The following SNTB1 variants were observed in gnomAD, a reference collection of about 807,000 sequenced individuals.
SNTB1 encodes syntrophin beta 1, also known as beta-1-syntrophin.
A neutral mutation model predicts 48.9 loss-of-function variants in SNTB1; 36 were observed. The ratio of observed to expected loss-of-function variants is 0.74; its 90% CI spans 0.56 to 0.97. The LOEUF is 0.97. SNTB1 is among the 50% of genes least tolerant of loss of function. SNTB1 has a pLI of 0.00. For synonymous variants in SNTB1, 299 were observed against 294.6 expected (o/e 1.01, Z -0.15); for missense variants, 786 against 703.4 (o/e 1.12, Z -1.33).
At chr8:120,544,332 T>A (rs1397338458) in intron 5 of SNTB1, among the ~76,000 whole-genome samples, 1 of 152,204 alleles carries the variant, frequency 6.6e-6, no homozygotes, top group Non-Finnish European at 1.5e-5. Flanking sequence ...CCATTCTACA[T>A]AGGATGGAAT....
chr8:120,561,097 A>T (rs1663871769), intron 4 of SNTB1, among the ~76,000 whole-genome samples: 1 of 151,948 alleles, frequency 6.6e-6, no homozygotes, highest in South Asian at 2.1e-4. Flanking sequence ...GGAGGCTGAG[A>T]TGAATGGATC....
chr8:120,600,120 A>G (rs1215617568), intron 3 of SNTB1, among the ~76,000 whole-genome samples: 2 of 152,226 alleles, frequency 1.3e-5, no homozygotes, highest in African/African-American at 4.8e-5. Context: ...CAAATCCATC[A>G]AGAAGTAGAG....
chr8:120,720,183 G>A (rs1490017980), intron 1 of SNTB1, among the ~76,000 whole-genome samples: 1 of 152,154 alleles, frequency 6.6e-6, no homozygotes. Context: ...TATGCACTTT[G>A]GGGCAGCCCA....
At chr8:120,782,198 A>T (rs1378425121) in intron 1 of SNTB1, among the ~76,000 whole-genome samples, 1 of 152,140 alleles carries the variant, frequency 6.6e-6, no homozygotes, top group Non-Finnish European at 1.5e-5. Context: ...AATACCAGTG[A>T]TACTGGACTA....
chr8:120,806,788 G>T (rs1191667909), intron 1 of SNTB1, among the ~76,000 whole-genome samples: 1 of 152,122 alleles, frequency 6.6e-6, no homozygotes, highest in Non-Finnish European at 1.5e-5. Flanking sequence ...TTGAATCCCA[G>T]GGTATTGGGT....
intron 2 of SNTB1, among the ~76,000 whole-genome samples, chr8:120,684,360 A>G (rs1172157200): frequency 6.6e-6 from 1 of 152,182 alleles, no homozygotes; most frequent in African/African-American, 2.4e-5. Flanking sequence ...TGCAAAATAC[A>G]TTCATTCCAT....
At chr8:120,646,807 G>T (rs1817305240) in intron 2 of SNTB1, among the ~76,000 whole-genome samples, 1 of 152,036 alleles carries the variant, frequency 6.6e-6, no homozygotes. Flanking sequence ...GACTCTTTTT[G>T]GTTGGTAAGC....
At chr8:120,796,901 A>G (rs1279852789) in intron 1 of SNTB1, among the ~76,000 whole-genome samples, 1 of 152,022 alleles carries the variant, frequency 6.6e-6, no homozygotes, top group Non-Finnish European at 1.5e-5. Flanking sequence ...AAAAGTTTCA[A>G]CCTTCCCAAA....
chr8:120,755,897 C>T (rs12335328), intron 1 of SNTB1, among the ~76,000 whole-genome samples: 5,982 of 152,180 alleles, frequency 0.039, 370 homozygotes, highest in African/African-American at 0.13. Flanking sequence ...TAAGAAGTCT[C>T]GAAGATGGTA....
chr8:120,693,732 A>G lies in SNTB1; in HGVS notation c.748T>C (p.Tyr250His), dbSNP rs368590662. 1 of 1,613,944 alleles carries G rather than the reference A, an allele frequency of 6.2e-7. No individual in the cohort carries two copies. Among genetic ancestry groups the G allele is most frequent in the South Asian group, 1.1e-5 (1 of 91,044 alleles). Residue 250 changes from tyrosine (Y) to histidine (H), a missense_variant, in exon 2 of 7, where the codon TAC becomes CAC. Physicochemically the swap from Tyr to His is moderately conservative, Grantham distance 83. Coordinates refer to ENST00000517992, the MANE Select transcript of SNTB1 (RefSeq NM_021021.4). ...GCCAAGGCCATACTCCGAGTGACGT[A>G]GCACATTTTGAGGGGGATGCTTTTC... ...DRKSIPLKMC[Y>H]VTRSMALADP...
intron 3 of SNTB1, among the ~76,000 whole-genome samples, chr8:120,623,648 C>A (rs917658417): frequency 6.6e-6 from 1 of 152,190 alleles, no homozygotes; most frequent in East Asian, 1.9e-4. Flanking sequence ...CTGTCCAGTG[C>A]TGAGTAGAGT....
intron 3 of SNTB1, among the ~76,000 whole-genome samples, chr8:120,624,419 T>C (rs934706934): frequency 5.9e-5 from 9 of 152,110 alleles, no homozygotes; most frequent in African/African-American, 1.9e-4. Context: ...ATCCTTTTTA[T>C]CAGGAGCCCA....
rs775302754 is a variant in SNTB1 at position 120,668,318 on chromosome 8, T to C, written c.788+25374A>G. Among the ~76,000 whole-genome samples, 8 of 152,342 alleles carry C rather than the reference T, an allele frequency of 5.3e-5. No homozygotes were observed. The South Asian group carries it at 1.7e-3, about 32-fold the overall frequency. ...TGCCTGATGTCCAAGGTTTTGAGCATTGCAGTATCACACATTTTACCTGCT... is the reference window on the plus strand; with the variant it reads ...TGCCTGATGTCCAAGGTTTTGAGCACTGCAGTATCACACATTTTACCTGCT... On this transcript the variant is annotated intron_variant, in intron 2 of 6. Coordinates refer to ENST00000517992, the MANE Select transcript of SNTB1 (RefSeq NM_021021.4).
intron 5 of SNTB1, among the ~76,000 whole-genome samples, chr8:120,546,473 TTTTTG>T (rs376348506): frequency 1.3e-5 from 2 of 152,148 alleles, no homozygotes; most frequent in Non-Finnish European, 2.9e-5. Context: ...CATTCTCTTT[TTTTTG>T]TTTTGTTTTG....
At chr8:120,699,735 A>T (rs949879556) in intron 1 of SNTB1, among the ~76,000 whole-genome samples, 2 of 152,134 alleles carry the variant, frequency 1.3e-5, no homozygotes, top group African/African-American at 2.4e-5. Flanking sequence ...TGGAAAATAA[A>T]TTTTTTCTTT....
rs944149579 is a variant in SNTB1, at chr8:120,611,160, C to T, written c.996+21284G>A. ...AATGTGCTGAATTTTCTTGATAACGCTAAACAGAGTGCATATGAAATTGAT... is the reference window on the plus strand; with the variant it reads ...AATGTGCTGAATTTTCTTGATAACGTTAAACAGAGTGCATATGAAATTGAT... On this transcript the variant is annotated intron_variant, in intron 3 of 6. Coordinates refer to ENST00000517992, the MANE Select transcript of SNTB1 (RefSeq NM_021021.4). Among the ~76,000 whole-genome samples the T allele has an allele frequency of 3.3e-5, 5 of 152,300 alleles. No individual in the cohort carries two copies. The East Asian group carries it at 9.6e-4, about 29-fold the overall frequency.
In SNTB1 at chr8:120,773,096, C is replaced by T. The variant is rs763311823; in HGVS notation, c.571+38177G>A. On this transcript the variant is annotated intron_variant, in intron 1 of 6. Transcript: ENST00000517992. ...GAAAAAAAAGCCCACTGAGGACATA[C>T]GTGTGAAATAATAATTTTAAAAAAT... Among the ~76,000 whole-genome samples the T allele has an allele frequency of 5.3e-5, 8 of 152,036 alleles. No homozygotes were observed. The South Asian group carries it at 6.2e-4, about 12-fold the overall frequency.
chr8:120,628,961 C>A (rs1587044417), intron 3 of SNTB1, among the ~76,000 whole-genome samples: 1 of 152,066 alleles, frequency 6.6e-6, no homozygotes, highest in Non-Finnish European at 1.5e-5. Context: ...GAGTTCCAGC[C>A]TGGGCAACAT....
intron 3 of SNTB1, among the ~76,000 whole-genome samples, chr8:120,591,588 T>G (rs995178432): frequency 1.3e-5 from 2 of 152,204 alleles, no homozygotes; most frequent in African/African-American, 4.8e-5. Context: ...CTATGGGTAG[T>G]AGATGTACTG....
Sources: allele counts gnomAD v4.1 joint callset (sites outside exome capture counted in the v4.1 genomes callset), GRCh38; gene constraint gnomAD v4.1.1; transcripts MANE v1.5; gene names NCBI Gene and HGNC (gene_info 2026-07-23, HGNC 2026-07-21).